Variants in SLC25A48 observed in about 807,000 individuals in gnomAD.
SLC25A48 encodes the protein CTC-321K16.1.
SLC25A48 carries 29 observed loss-of-function variants against 32.2 expected under a neutral mutation model. The observed-to-expected ratio is 0.90, with a 90% CI of 0.67 to 1.23. The LOEUF is 1.23. SLC25A48 is among the 50% of genes most tolerant of loss of function. The probability of loss-of-function intolerance (pLI) is 0.00; values close to 1 mark genes in which losing one functional copy is unlikely to be tolerated. For missense variants in SLC25A48, 399 were observed against 422.7 expected (o/e 0.94, Z 0.49); for synonymous variants, 164 against 172.3 (o/e 0.95, Z 0.38).
At chr5:135,790,217 G>A (rs1756989791) in intron 3 of SLC25A48, among the ~76,000 whole-genome samples, 1 of 151,798 alleles carries the variant, frequency 6.6e-6, no homozygotes, top group Non-Finnish European at 1.5e-5. Flanking sequence ...TTTTCCTAAT[G>A]TCACAGTGTG....
At chr5:135,604,954 G>C (rs1751898370) in intron 1 of SLC25A48, among the ~76,000 whole-genome samples, 1 of 152,168 alleles carries the variant, frequency 6.6e-6, no homozygotes, top group Admixed American at 6.5e-5. Flanking sequence ...GGAGTTGTGT[G>C]CTTATGAAGC....
At chr5:135,634,979 C>T (rs1025461476) in intron 3 of SLC25A48, 1 of 152,220 alleles carries the variant, frequency 6.6e-6, no homozygotes, top group Non-Finnish European at 1.5e-5. Flanking sequence ...GTTGCTGCAG[C>T]TTTGTTTTAT....
At chr5:135,752,342 A>G (rs1220663298) in intron 3 of SLC25A48, among the ~76,000 whole-genome samples, 22 of 152,288 alleles carry the variant, frequency 1.4e-4, no homozygotes. Context: ...AGGCCAAGGC[A>G]GGCAGATCAC....
chr5:135,836,597 T>G (rs1356211921), intron 1 of SLC25A48, among the ~76,000 whole-genome samples: 6 of 152,222 alleles, frequency 3.9e-5, no homozygotes, highest in Non-Finnish European at 8.8e-5. Context: ...CATCCCCCAG[T>G]AAGATCCCTC....
At chr5:135,635,147 A>G (rs936251114) in intron 3 of SLC25A48, among the ~76,000 whole-genome samples, 4 of 151,630 alleles carry the variant, frequency 2.6e-5, no homozygotes, top group Non-Finnish European at 4.4e-5. Flanking sequence ...AGTGATTGTG[A>G]CTCTGCCCTC....
At chr5:135,611,496 C>CAAAAAAAAAAAAAAAAAAAAAA (rs57138043) in intron 1 of SLC25A48, among the ~76,000 whole-genome samples, 10 of 21,342 alleles carry the variant, frequency 4.7e-4, no homozygotes, top group East Asian at 4.4e-3. Context: ...GACTCCATCT[C>CAAAAAAAAAAAAAAAAAAAAAA]AAAAAAAAAA....
At chr5:135,650,400 G>A (rs1163255721) in intron 3 of SLC25A48, 1 of 455,954 alleles carries the variant, frequency 2.2e-6, no homozygotes, top group African/African-American at 2.0e-5. Flanking sequence ...CATTGATTGA[G>A]GATGATGCTT....
At chr5:135,838,605 T>C (rs562019287) in intron 1 of SLC25A48, among the ~76,000 whole-genome samples, 23 of 152,376 alleles carry the variant, frequency 1.5e-4, no homozygotes, top group African/African-American at 5.5e-4. Context: ...ACCTCTGCTC[T>C]GTGCAGCCTA....
At chr5:135,632,165 G>A (rs1204145965) in intron 2 of SLC25A48, among the ~76,000 whole-genome samples, 1 of 152,202 alleles carries the variant, frequency 6.6e-6, no homozygotes, top group Non-Finnish European at 1.5e-5. Context: ...AGATGACTGG[G>A]TCATAGAAGA....
chr5:135,669,281 G>A (rs1424769143), intron 3 of SLC25A48, among the ~76,000 whole-genome samples: 1 of 152,158 alleles, frequency 6.6e-6, no homozygotes, highest in Non-Finnish European at 1.5e-5. Context: ...AGGCTTACAG[G>A]AGATGCTCTG....
At chr5:135,704,518 T>C (rs1479776994) in intron 3 of SLC25A48, among the ~76,000 whole-genome samples, 5 of 152,236 alleles carry the variant, frequency 3.3e-5, no homozygotes, top group Non-Finnish European at 5.9e-5. Context: ...ATCAGTGCTA[T>C]TTGGCCAGTT....
chr5:135,695,054 G>C (rs1398954903), intron 3 of SLC25A48, among the ~76,000 whole-genome samples: 1 of 152,106 alleles, frequency 6.6e-6, no homozygotes, highest in Non-Finnish European at 1.5e-5. Flanking sequence ...GCATCTTCCT[G>C]CTCCTCAAAG....
intron 3 of SLC25A48, among the ~76,000 whole-genome samples, chr5:135,729,155 C>T (rs1448062018): frequency 6.6e-6 from 1 of 152,100 alleles, no homozygotes; most frequent in Non-Finnish European, 1.5e-5. Context: ...ACTTCTGGGG[C>T]CCTACTGTAG....
intron 3 of SLC25A48, among the ~76,000 whole-genome samples, chr5:135,720,908 C>A (rs1158491922): frequency 6.6e-6 from 1 of 152,106 alleles, no homozygotes. Flanking sequence ...CTCCCTCTGA[C>A]ACTGGCATGT....
chr5:135,602,477 G>C (rs1247359671), intron 1 of SLC25A48, among the ~76,000 whole-genome samples: 1 of 152,178 alleles, frequency 6.6e-6, no homozygotes, highest in Admixed American at 6.5e-5. Flanking sequence ...GAGTTATGGG[G>C]TTAGGGGTTC....
intron 3 of SLC25A48, among the ~76,000 whole-genome samples, chr5:135,702,064 A>G (rs1323359439): frequency 6.6e-6 from 1 of 152,214 alleles, no homozygotes. Flanking sequence ...ACTTGCTGGA[A>G]ATCATAGCAA....
chr5:135,586,993 A>G (rs554459995), intron 1 of SLC25A48, among the ~76,000 whole-genome samples: 2 of 152,162 alleles, frequency 1.3e-5, no homozygotes, highest in African/African-American at 4.8e-5. Context: ...TGGTTCAGGG[A>G]AGTTCTTGCC....
At chr5:135,664,145 G>A (rs1413833252) in intron 3 of SLC25A48, among the ~76,000 whole-genome samples, 2 of 152,220 alleles carry the variant, frequency 1.3e-5, no homozygotes, top group Non-Finnish European at 2.9e-5. Flanking sequence ...CCATGGACAT[G>A]TGATTTTAGT....
chr5:135,881,165 G>A (rs1231469153), intron 7 of SLC25A48, among the ~76,000 whole-genome samples: 1 of 152,196 alleles, frequency 6.6e-6, no homozygotes, highest in Admixed American at 6.5e-5. Flanking sequence ...CCCCATACCG[G>A]CTACCTGCAA....
Sources: allele counts gnomAD v4.1 joint callset (sites outside exome capture counted in the v4.1 genomes callset), GRCh38; gene constraint gnomAD v4.1.1; transcripts MANE v1.5; gene names NCBI Gene and HGNC (gene_info 2026-07-23, HGNC 2026-07-21).